RHOU: variants seen among roughly 807,000 people sequenced by gnomAD.
The protein encoded by RHOU is rho-related GTP-binding protein RhoU.
A neutral mutation model predicts 12.6 loss-of-function variants in RHOU; 8 were observed. That is an observed-to-expected ratio of 0.64 (90% CI 0.37 to 1.15). The LOEUF (loss-of-function observed/expected upper bound fraction) is 1.15, where lower values mean the gene tolerates loss of function less well. Among genes scored for constraint, RHOU ranks in the 50% most tolerant of loss-of-function variants. The pLI is 0.01. For missense variants in RHOU, 258 were observed against 347.0 expected, an observed-to-expected ratio of 0.74 and a Z score of 2.04; for synonymous variants, 161 against 147.4, an observed-to-expected ratio of 1.09 and a Z score of -0.67.
At chr1:228,676,608 A>C in the RHOU span, among the ~76,000 whole-genome samples, 1 of 152,268 alleles carries the variant, frequency 6.6e-6, no homozygotes, top group Non-Finnish European at 1.5e-5. Flanking sequence ...TTGTGTGAGC[A>C]ACAAGGCTGT....
chr1:228,647,292 C>G, the RHOU span, among the ~76,000 whole-genome samples: 1 of 152,192 alleles, frequency 6.6e-6, no homozygotes, highest in Non-Finnish European at 1.5e-5. Flanking sequence ...CTTGGTACCT[C>G]ACTGTGCTCT....
the RHOU span, among the ~76,000 whole-genome samples, chr1:228,691,351 G>A: frequency 6.6e-6 from 1 of 151,868 alleles, no homozygotes; most frequent in East Asian, 1.9e-4. Context: ...CCACCACTAC[G>A]GTATCACACA....
the RHOU span, among the ~76,000 whole-genome samples, chr1:228,671,202 G>A: frequency 1.1e-4 from 16 of 152,016 alleles, no homozygotes; most frequent in African/African-American, 2.9e-4. Flanking sequence ...ACAGGTTTTC[G>A]CCATGTTGGC....
the RHOU span, among the ~76,000 whole-genome samples, chr1:228,676,568 C>T: frequency 5.5e-4 from 84 of 152,306 alleles, 1 homozygote; most frequent in Admixed American, 4.8e-3. Context: ...TTGTCACACA[C>T]GTCCATGTGA....
the RHOU span, among the ~76,000 whole-genome samples, chr1:228,707,220 T>TATATATACATATATATAC: frequency 9.5e-6 from 1 of 105,598 alleles, no homozygotes; most frequent in Admixed American, 1.2e-4. Flanking sequence ...TATATATACA[T>TATATATACATATATATAC]ATATATATAC....
At chr1:228,701,140 T>C in the RHOU span, among the ~76,000 whole-genome samples, 1 of 152,160 alleles carries the variant, frequency 6.6e-6, no homozygotes, top group African/African-American at 2.4e-5. Context: ...TTTTGGATGC[T>C]GTATGGGCCC....
chr1:228,717,744 T>C, the RHOU span, among the ~76,000 whole-genome samples: 1 of 152,208 alleles, frequency 6.6e-6, no homozygotes, highest in African/African-American at 2.4e-5. Flanking sequence ...GTCATTTCAG[T>C]TAATGAGAGT....
chr1:228,729,473 G>A, the RHOU span, among the ~76,000 whole-genome samples: 3 of 152,094 alleles, frequency 2.0e-5, no homozygotes, highest in African/African-American at 4.8e-5. Context: ...AGAAATGCAC[G>A]GGTACATATA....
chr1:228,707,712 C>A, the RHOU span, among the ~76,000 whole-genome samples: 1 of 152,106 alleles, frequency 6.6e-6, no homozygotes, highest in Non-Finnish European at 1.5e-5. Flanking sequence ...TGGAGAAAAA[C>A]CAGAGCAGAA....
chr1:228,682,160 A>G, the RHOU span, among the ~76,000 whole-genome samples: 2 of 152,156 alleles, frequency 1.3e-5, no homozygotes, highest in Admixed American at 6.6e-5. Context: ...GGACAGGGAG[A>G]TTGAAGGGTA....
At chr1:228,711,297 G>T in the RHOU span, among the ~76,000 whole-genome samples, 1 of 151,824 alleles carries the variant, frequency 6.6e-6, no homozygotes, top group African/African-American at 2.4e-5. Flanking sequence ...TCACAGAATT[G>T]GAAAAAACTA....
chr1:228,647,193 A>C, the RHOU span, among the ~76,000 whole-genome samples: 1 of 152,162 alleles, frequency 6.6e-6, no homozygotes, highest in South Asian at 2.1e-4. Flanking sequence ...GGACCAACGG[A>C]GCGCTGAGAC....
At chr1:228,733,112 C>T (rs1370049271), upstream of RHOU, among the ~76,000 whole-genome samples, 1 of 152,178 alleles carries the variant, frequency 6.6e-6, no homozygotes, top group Non-Finnish European at 1.5e-5. Context: ...TTTTGTTGTA[C>T]TACTACAGCC....
intron 1 of RHOU, 135 bp downstream of exon 1, chr1:228,736,139 A>T: frequency 1.2e-6 from 1 of 846,604 alleles, no homozygotes; most frequent in South Asian, 1.9e-5. Context: ...GAAGCCGGAC[A>T]AATGAGGAGT....
At chr1:228,683,108 C>CT in the RHOU span, among the ~76,000 whole-genome samples, 1,614 of 152,170 alleles carry the variant, frequency 0.011, 28 homozygotes, top group African/African-American at 0.037. Flanking sequence ...AAATTGCCAC[C>CT]CTTGGGATCT....
At chr1:228,707,268 G>A in the RHOU span, among the ~76,000 whole-genome samples, 138 of 107,448 alleles carry the variant, frequency 1.3e-3, 1 homozygote, top group African/African-American at 5.4e-3. Flanking sequence ...GTGTGTGTGT[G>A]TGTGTGTGTG....
chr1:228,696,585 C>T, the RHOU span, among the ~76,000 whole-genome samples: 1 of 152,140 alleles, frequency 6.6e-6, no homozygotes, highest in African/African-American at 2.4e-5. Context: ...CTTGCTCTGT[C>T]ACCCAGGCTG....
chr1:228,693,696 G>C, the RHOU span, among the ~76,000 whole-genome samples: 2 of 152,104 alleles, frequency 1.3e-5, no homozygotes, highest in East Asian at 3.9e-4. Context: ...TCCAACTCCT[G>C]ACCTCATGAT....
the RHOU span, among the ~76,000 whole-genome samples, chr1:228,714,564 G>GT: frequency 6.6e-6 from 1 of 151,904 alleles, no homozygotes; most frequent in African/African-American, 2.4e-5. Context: ...TCCTCAGGAC[G>GT]TTATCCATTT....
Sources: allele counts gnomAD v4.1 joint callset (sites outside exome capture counted in the v4.1 genomes callset), GRCh38; gene constraint gnomAD v4.1.1; transcripts MANE v1.5; gene names NCBI Gene and HGNC (gene_info 2026-07-23, HGNC 2026-07-21).